AMN1: variants seen among roughly 807,000 people sequenced by gnomAD.
The protein encoded by AMN1 is protein AMN1 homolog.
AMN1 carries 20 observed loss-of-function variants against 33.0 expected under a neutral mutation model. The ratio of observed to expected loss-of-function variants is 0.61; its 90% CI spans 0.43 to 0.88. The LOEUF (loss-of-function observed/expected upper bound fraction) is 0.88. Ranked by LOEUF, AMN1 falls within the 40% of genes least tolerant of loss-of-function variation. The pLI is 0.00. For missense variants in AMN1, 246 were observed against 307.4 expected, an observed-to-expected ratio of 0.80 and a Z score of 1.49; for synonymous variants, 114 against 111.9, an observed-to-expected ratio of 1.02 and a Z score of -0.12.
At chr12:31,720,780 C>G (rs895661701) in intron 1 of AMN1, among the ~76,000 whole-genome samples, 1 of 152,172 alleles carries the variant, frequency 6.6e-6, no homozygotes, top group South Asian at 2.1e-4. Context: ...TTCAACTATA[C>G]AAATATACCA....
chr12:31,676,543 C>G (rs917342863), intron 6 of AMN1, among the ~76,000 whole-genome samples: 4 of 151,154 alleles, frequency 2.6e-5, no homozygotes, highest in Non-Finnish European at 5.9e-5. Context: ...AGGATGGTCT[C>G]GATCTCCTGA....
intron 6 of AMN1, among the ~76,000 whole-genome samples, chr12:31,675,860 G>C (rs756557537): frequency 3.3e-5 from 5 of 151,594 alleles, no homozygotes; most frequent in Non-Finnish European, 7.4e-5. Flanking sequence ...TGTACCAGAG[G>C]TTCCAGCCAT....
At chr12:31,721,431 T>C (rs927147238) in intron 1 of AMN1, among the ~76,000 whole-genome samples, 1 of 152,188 alleles carries the variant, frequency 6.6e-6, no homozygotes, top group African/African-American at 2.4e-5. Flanking sequence ...CCACTCTGCA[T>C]TCCCCACACT....
intron 6 of AMN1, among the ~76,000 whole-genome samples, chr12:31,677,052 ACTTTGGG>A (rs1937748122): frequency 6.6e-6 from 1 of 151,430 alleles, no homozygotes; most frequent in Non-Finnish European, 1.5e-5. Context: ...TAATCCCAGC[ACTTTGGG>A]AGGACGAGAC....
chr12:31,709,117 G>A (rs771756139), intron 2 of AMN1, 176 bp downstream of exon 2: 4 of 718,216 alleles, frequency 5.6e-6, no homozygotes, highest in Non-Finnish European at 7.3e-6. Flanking sequence ...GGAGGTTGCA[G>A]TGAGCTGAGA....
At chr12:31,706,489 CAAAG>C (rs1384919396) in intron 2 of AMN1, among the ~76,000 whole-genome samples, 1 of 151,840 alleles carries the variant, frequency 6.6e-6, no homozygotes, top group Non-Finnish European at 1.5e-5. Flanking sequence ...GCTGCAAACC[CAAAG>C]ACAATATTTA....
intron 1 of AMN1, 21 bp downstream of exon 1, chr12:31,728,950 G>A (rs1276192771): frequency 6.5e-7 from 1 of 1,541,742 alleles, no homozygotes; most frequent in South Asian, 1.2e-5. Context: ...CGCGAAGGGA[G>A]GCGGGACAGG....
At chr12:31,692,672 T>C (rs1158697479) in intron 5 of AMN1, among the ~76,000 whole-genome samples, 3 of 152,146 alleles carry the variant, frequency 2.0e-5, no homozygotes, top group Non-Finnish European at 4.4e-5. Flanking sequence ...TGTCCCAATA[T>C]ATAATTATTT....
chr12:31,705,573 A>G (rs961850441), intron 2 of AMN1, among the ~76,000 whole-genome samples: 3 of 152,174 alleles, frequency 2.0e-5, no homozygotes, highest in African/African-American at 7.2e-5. Flanking sequence ...CCTTTTGATT[A>G]CAGGCTTTAG....
At chr12:31,704,769 G>A (rs1029585506) in intron 2 of AMN1, among the ~76,000 whole-genome samples, 1 of 152,126 alleles carries the variant, frequency 6.6e-6, no homozygotes, top group Non-Finnish European at 1.5e-5. Context: ...GAAAAATCAT[G>A]TCTTGTTTTT....
chr12:31,726,112 C>T (rs1283175265), intron 1 of AMN1, among the ~76,000 whole-genome samples: 3 of 151,884 alleles, frequency 2.0e-5, no homozygotes, highest in Admixed American at 1.3e-4. Flanking sequence ...CCATAATAGT[C>T]TAATCACCAT....
intron 3 of AMN1, among the ~76,000 whole-genome samples, chr12:31,700,721 G>A (rs879636481): frequency 1.3e-5 from 2 of 151,278 alleles, no homozygotes; most frequent in Non-Finnish European, 2.9e-5. Context: ...ACGGAGTCTT[G>A]CTCTGTTGCT....
intron 2 of AMN1, among the ~76,000 whole-genome samples, chr12:31,708,128 G>A (rs1939320737): frequency 6.6e-6 from 1 of 152,102 alleles, no homozygotes; most frequent in Non-Finnish European, 1.5e-5. Flanking sequence ...CGACCATAAG[G>A]TCTGACTGCC....
chr12:31,695,252 G>T (rs761478214), intron 5 of AMN1, among the ~76,000 whole-genome samples: 1 of 151,770 alleles, frequency 6.6e-6, no homozygotes, highest in African/African-American at 2.4e-5. Context: ...ATTTGAAGGT[G>T]ATAAACTAAT....
At position 31,687,281 on chromosome 12, in the gene AMN1, C is replaced by A. The variant is rs118048558; in HGVS notation, c.703+1726G>T. On this transcript the variant is annotated intron_variant, in intron 6 of 6. Coordinates refer to ENST00000281471, the MANE Select transcript of AMN1 (RefSeq NM_001113402.2). This position sits in a 1 kb window ranked among gnomAD's most constrained non-coding sequence, Gnocchi z 4.1. Reference sequence around the variant, plus strand: ...CCCAGATACAATCTATGGTTACAGCCTTGGTTAAGGCTGGCAACCTAAAAA... The same window carrying A: ...CCCAGATACAATCTATGGTTACAGCATTGGTTAAGGCTGGCAACCTAAAAA... Among the ~76,000 whole-genome samples the A allele has an allele frequency of 6.6e-6, 1 of 152,296 alleles. No individual in the cohort carries two copies. The highest frequency in any genetic ancestry group is 2.1e-4 in the South Asian group (1 of 4,828).
At chr12:31,677,840 A>G (rs953908107) in intron 6 of AMN1, among the ~76,000 whole-genome samples, 13 of 152,162 alleles carry the variant, frequency 8.5e-5, no homozygotes, top group African/African-American at 3.1e-4. Flanking sequence ...AAACCTACAA[A>G]TATTACTCTA....
At chr12:31,717,167 C>T (rs996514553) in intron 1 of AMN1, among the ~76,000 whole-genome samples, 2 of 152,154 alleles carry the variant, frequency 1.3e-5, no homozygotes, top group Non-Finnish European at 1.5e-5. Flanking sequence ...CATGTGTTCT[C>T]ATCATTCAGC....
At chr12:31,695,426 G>T (rs1156237182) in intron 5 of AMN1, among the ~76,000 whole-genome samples, 2 of 151,296 alleles carry the variant, frequency 1.3e-5, no homozygotes, top group Non-Finnish European at 2.9e-5. Context: ...CTGCATTTAG[G>T]ATGCAATTTG....
chr12:31,726,574 T>TTGC (rs1940079549), intron 1 of AMN1, among the ~76,000 whole-genome samples: 1 of 152,224 alleles, frequency 6.6e-6, no homozygotes, highest in Admixed American at 6.5e-5. Flanking sequence ...AGTGAGGAGA[T>TTGC]AAGGAGTTTA....
Sources: gnomAD v4.1 joint callset for allele counts (sites outside exome capture counted in the v4.1 genomes callset) on GRCh38, gnomAD v4.1.1 for gene constraint, Gnocchi (gnomAD v3.1) non-coding constraint, MANE v1.5 for transcripts, NCBI Gene and HGNC (gene_info 2026-07-23, HGNC 2026-07-21) for gene names.